GPC6: variants seen among roughly 807,000 people sequenced by gnomAD.
The protein encoded by GPC6 is glypican 6.
In GPC6, 14 loss-of-function variants were observed where a neutral mutation model predicts 55.2. The ratio of observed to expected loss-of-function variants is 0.25; its 90% confidence interval spans 0.17 to 0.40. GPC6 has a LOEUF of 0.40. Among genes scored for constraint, GPC6 ranks in the 10% least tolerant of loss-of-function variants. GPC6 has a pLI of 1.00. For synonymous variants in GPC6, 278 were observed against 259.6 expected (o/e 1.07, Z -0.68); for missense variants, 641 against 708.5 (o/e 0.90, Z 1.08).
intron 1 of GPC6, among the ~76,000 whole-genome samples, chr13:93,461,511 T>G (rs1350687680): frequency 2.0e-5 from 3 of 152,194 alleles, no homozygotes; most frequent in East Asian, 1.9e-4. Flanking sequence ...ACATACTGTT[T>G]CACTATATAA....
chr13:93,267,014 A>G (rs1326476169), intron 1 of GPC6, among the ~76,000 whole-genome samples: 1 of 152,178 alleles, frequency 6.6e-6, no homozygotes, highest in Non-Finnish European at 1.5e-5. Context: ...ACTTTAGTTT[A>G]TTGCTTACTG....
Position 94,236,115 on chromosome 13 carries a change from T to G in GPC6, c.878-50234T>G, listed in dbSNP as rs113844816. ...ATGGGGGAGTTTAATAACTGCTATCTGCAGTAATAAGAGATATAATAATGT... is the reference window on the plus strand; with the variant it reads ...ATGGGGGAGTTTAATAACTGCTATCGGCAGTAATAAGAGATATAATAATGT... On this transcript the variant is annotated intron_variant, in intron 4 of 8. Transcript: ENST00000377047. Among the ~76,000 whole-genome samples the G allele has an allele frequency of 8.5e-3, 1,299 of 152,306 alleles. 28 individuals carry two copies. The highest frequency in any genetic ancestry group is 0.03 in the African/African-American group (1,242 of 41,574).
At chr13:93,911,448 A>G (rs1876976125) in intron 3 of GPC6, among the ~76,000 whole-genome samples, 2 of 151,612 alleles carry the variant, frequency 1.3e-5, no homozygotes, top group Admixed American at 6.6e-5. Flanking sequence ...ATTTCCTTAA[A>G]TCTTTTTCCT....
chr13:93,788,652 T>C (rs1044787269), intron 2 of GPC6, among the ~76,000 whole-genome samples: 2 of 151,952 alleles, frequency 1.3e-5, no homozygotes, highest in African/African-American at 2.4e-5. Flanking sequence ...CTGTTTGCAG[T>C]TACAACGCCA....
At chr13:94,047,892 C>T (rs1257203421) in intron 4 of GPC6, among the ~76,000 whole-genome samples, 9 of 152,050 alleles carry the variant, frequency 5.9e-5, no homozygotes, top group Non-Finnish European at 1.2e-4. Flanking sequence ...ACTCCAGATT[C>T]GCAGTTGATA....
At chr13:94,294,724 T>C (rs1875230755) in intron 5 of GPC6, among the ~76,000 whole-genome samples, 1 of 152,210 alleles carries the variant, frequency 6.6e-6, no homozygotes, top group Admixed American at 6.5e-5. Context: ...TTCTTTCAGA[T>C]ATCAGGATTA....
At chr13:93,976,620 G>C (rs551782894) in intron 3 of GPC6, among the ~76,000 whole-genome samples, 8 of 151,172 alleles carry the variant, frequency 5.3e-5, no homozygotes, top group African/African-American at 1.9e-4. Flanking sequence ...TAGCAGACAA[G>C]AGACTGCAAT....
At chr13:93,300,611 G>T (rs909313681) in intron 1 of GPC6, among the ~76,000 whole-genome samples, 1 of 143,444 alleles carries the variant, frequency 7.0e-6, no homozygotes, top group African/African-American at 2.6e-5. Context: ...TCACACCACT[G>T]CACTCCAGCC....
intron 1 of GPC6, among the ~76,000 whole-genome samples, chr13:93,320,152 TATC>T (rs902317614): frequency 2.6e-5 from 4 of 152,098 alleles, no homozygotes; most frequent in Non-Finnish European, 5.9e-5. Flanking sequence ...AGAAGGGAAA[TATC>T]ATAATAGACT....
chr13:93,782,166 G>T (rs1024089967), intron 2 of GPC6, among the ~76,000 whole-genome samples: 2 of 152,010 alleles, frequency 1.3e-5, no homozygotes, highest in African/African-American at 4.8e-5. Flanking sequence ...CCATGTATGT[G>T]TGAGATCACG....
intron 3 of GPC6, among the ~76,000 whole-genome samples, chr13:93,924,825 G>A (rs1372073686): frequency 6.6e-6 from 1 of 150,726 alleles, no homozygotes. Flanking sequence ...GTTGTTTTAA[G>A]TTAATTTACT....
At chr13:93,893,222 G>A (rs911722606) in intron 3 of GPC6, among the ~76,000 whole-genome samples, 1 of 151,946 alleles carries the variant, frequency 6.6e-6, no homozygotes. Context: ...ACCACGCGTG[G>A]CTAATTTTTG....
chr13:93,743,687 T>TTTA (rs1299985586), intron 2 of GPC6, among the ~76,000 whole-genome samples: 1 of 152,144 alleles, frequency 6.6e-6, no homozygotes, highest in African/African-American at 2.4e-5. Flanking sequence ...TCATCTTTAT[T>TTTA]ATTTCCTTCC....
At chr13:94,351,461 T>C (rs1213038019) in intron 6 of GPC6, among the ~76,000 whole-genome samples, 3 of 151,916 alleles carry the variant, frequency 2.0e-5, no homozygotes, top group African/African-American at 7.3e-5. Flanking sequence ...AACAAAGCAA[T>C]AGGAAAGAAC....
At chr13:94,037,295 T>A (rs537556377) in intron 4 of GPC6, among the ~76,000 whole-genome samples, 1 of 152,068 alleles carries the variant, frequency 6.6e-6, no homozygotes, top group South Asian at 2.1e-4. Flanking sequence ...GTGACCCAGT[T>A]TAACATGTGC....
chr13:93,972,619 T>A (rs1245389343), intron 3 of GPC6, among the ~76,000 whole-genome samples: 1 of 152,186 alleles, frequency 6.6e-6, no homozygotes, highest in African/African-American at 2.4e-5. Flanking sequence ...TTCTCTCTTC[T>A]ACTTTTTGAA....
chr13:93,273,644 C>T lies in GPC6; in HGVS notation c.160+46028C>T, dbSNP rs189753101. ...CTGCACTCCAGCCTGGGCGACAGAG[C>T]GAGACTCCGTCTCAAAAAACAAACA... On this transcript the variant is annotated intron_variant, in intron 1 of 8. Coordinates refer to ENST00000377047, the MANE Select transcript of GPC6 (RefSeq NM_005708.5). Among the ~76,000 whole-genome samples, 578 of 152,032 alleles carry T rather than the reference C, an allele frequency of 3.8e-3. 3 individuals carry two copies. Among genetic ancestry groups the T allele is most frequent in the African/African-American group, 0.013 (532 of 41,492 alleles).
At chr13:93,325,630 A>G (rs565581222) in intron 1 of GPC6, among the ~76,000 whole-genome samples, 1 of 152,288 alleles carries the variant, frequency 6.6e-6, no homozygotes, top group Admixed American at 6.5e-5. Context: ...AATGATCACT[A>G]CTGGGGCAAT....
intron 2 of GPC6, among the ~76,000 whole-genome samples, chr13:93,703,965 C>T (rs1490693960): frequency 6.6e-6 from 1 of 151,958 alleles, no homozygotes; most frequent in East Asian, 1.9e-4. Flanking sequence ...ACAATTTAAA[C>T]ATTACAATTA....
Sources: allele counts gnomAD v4.1 joint callset (sites outside exome capture counted in the v4.1 genomes callset), GRCh38; gene constraint gnomAD v4.1.1; transcripts MANE v1.5; gene names NCBI Gene and HGNC (gene_info 2026-07-23, HGNC 2026-07-21).